The following IARS1 variants were observed in gnomAD, a reference collection of about 807,000 sequenced individuals.
IARS1 encodes isoleucyl-tRNA synthetase 1.
A neutral mutation model predicts 168.2 loss-of-function variants in IARS1; 124 were observed. The observed-to-expected ratio is 0.74, with a 90% CI of 0.64 to 0.86. IARS1 has a LOEUF of 0.86. Ranked by LOEUF, IARS1 falls within the 40% of genes least tolerant of loss-of-function variation. IARS1 has a pLI of 0.00. For synonymous variants in IARS1, 532 were observed against 529.4 expected (o/e 1.00, Z -0.07); for missense variants, 1,452 against 1,515.8 (o/e 0.96, Z 0.70).
At chr9:92,277,117 A>C (rs1432649374) in intron 9 of IARS1, among the ~76,000 whole-genome samples, 3 of 152,230 alleles carry the variant, frequency 2.0e-5, no homozygotes, top group African/African-American at 7.2e-5. Context: ...CATGCAATAA[A>C]AATATACACC....
chr9:92,292,181 C>CTTTTTTTTTTTTTTTTTTT (rs57075703), intron 1 of IARS1, among the ~76,000 whole-genome samples: 1 of 118,054 alleles, frequency 8.5e-6, no homozygotes, highest in African/African-American at 3.2e-5. Flanking sequence ...CCACACTCAG[C>CTTTTTTTTTTTTTTTTTTT]TTTTTTTTTT....
chr9:92,254,460 C>G (rs182298875), intron 20 of IARS1, among the ~76,000 whole-genome samples: 1 of 152,292 alleles, frequency 6.6e-6, no homozygotes, highest in East Asian at 1.9e-4. Flanking sequence ...AGCTAAGAGA[C>G]GAGAAGTTGC....
Position 92,271,015 on chromosome 9 carries a change from G to A in IARS1, c.1175C>T (p.Thr392Ile), listed in dbSNP as rs940457575. ...KEQGRLLVAT[T>I]FTHSYPFCWR... ...GCAAAAAGGGTAGCTGTGAGTGAAGGTGGTGGCAACCAGAAGTCGGCCTTG... is the reference window on the plus strand; with the variant it reads ...GCAAAAAGGGTAGCTGTGAGTGAAGATGGTGGCAACCAGAAGTCGGCCTTG... The change falls in exon 12 of 34, where the codon ACC (threonine) becomes ATC (isoleucine). Residue 392 changes from threonine (T) to isoleucine (I), a missense_variant. Thr to Ile is a moderately conservative substitution (Grantham distance 89). Coordinates refer to ENST00000443024, the MANE Select transcript of IARS1 (RefSeq NM_002161.6). 4.3e-6 allele frequency: 7 copies of A among 1,612,352 alleles called. No homozygotes were observed. The highest frequency in any genetic ancestry group is 5.9e-6 in the Non-Finnish European group (7 of 1,179,090).
chr9:92,274,969 G>C (rs543394349), intron 9 of IARS1, among the ~76,000 whole-genome samples: 1 of 152,278 alleles, frequency 6.6e-6, no homozygotes. Context: ...ATCTTGAAAG[G>C]AACAGGTGGG....
At chr9:92,264,597 A>T (rs192373652) in intron 16 of IARS1, among the ~76,000 whole-genome samples, 1 of 152,316 alleles carries the variant, frequency 6.6e-6, no homozygotes, top group Admixed American at 6.5e-5. Flanking sequence ...CTTTTATGCA[A>T]ATACTCAAAC....
chr9:92,225,650 C>T (rs866996990), intron 31 of IARS1, among the ~76,000 whole-genome samples: 4 of 150,478 alleles, frequency 2.7e-5, no homozygotes, highest in African/African-American at 9.8e-5. Flanking sequence ...GTATAGATGT[C>T]AAGATCACAA....
At chr9:92,275,948 G>A (rs909306410) in intron 9 of IARS1, among the ~76,000 whole-genome samples, 1 of 152,224 alleles carries the variant, frequency 6.6e-6, no homozygotes, top group Non-Finnish European at 1.5e-5. Context: ...ATTCCAGACA[G>A]ACCTCTACTT....
intron 33 of IARS1, among the ~76,000 whole-genome samples, chr9:92,218,055 A>G (rs1839035172): frequency 6.6e-6 from 1 of 152,198 alleles, no homozygotes; most frequent in Non-Finnish European, 1.5e-5. Flanking sequence ...ATCCAGCAGC[A>G]CATTAAAAAG....
At chr9:92,276,099 C>G (rs372236347) in intron 9 of IARS1, among the ~76,000 whole-genome samples, 5 of 152,076 alleles carry the variant, frequency 3.3e-5, no homozygotes, top group Non-Finnish European at 5.9e-5. Flanking sequence ...AAAAATACAA[C>G]ATAAAACAAA....
rs780991555 is a variant in IARS1, at chr9:92,264,985, A to G, written c.1644T>C (p.Phe548=). The change falls in exon 16 of 34, where the codon TTT becomes TTC. Residue 548 remains phenylalanine, a synonymous_variant. Transcript: ENST00000443024. Reference sequence around the variant, plus strand: ...TGAAATCTGCAGGAAAAGCATCCTCAAACTCCCTCTTGTTTTCAAACGGGT... The same window carrying G: ...TGAAATCTGCAGGAAAAGCATCCTCGAACTCCCTCTTGTTTTCAAACGGGT... ...VHYPFENKRE[F]EDAFPADFIA... The G allele has an allele frequency of 5.6e-6, 9 of 1,614,062 alleles. No homozygotes were observed. In the African/African-American group the frequency reaches 9.3e-5, roughly 17 times the overall value.
At chr9:92,243,706 G>A (rs1262694007) in intron 27 of IARS1, among the ~76,000 whole-genome samples, 1 of 152,110 alleles carries the variant, frequency 6.6e-6, no homozygotes, top group East Asian at 1.9e-4. Context: ...CACAACAAGT[G>A]GATCAACGGC....
At chr9:92,272,819 A>G (rs1208119678) in intron 10 of IARS1, among the ~76,000 whole-genome samples, 2 of 149,742 alleles carry the variant, frequency 1.3e-5, no homozygotes, top group Non-Finnish European at 3.0e-5. Context: ...CCATTGCACT[A>G]CAGCCTGGGC....
intron 10 of IARS1, among the ~76,000 whole-genome samples, chr9:92,272,548 TCTCAGAAAATGTTTACCAAGG>T (rs1260259247): frequency 2.0e-5 from 3 of 152,170 alleles, no homozygotes; most frequent in African/African-American, 7.2e-5. Context: ...ACGGAAGGCC[TCTCAGAAAATGTTTACCAAGG>T]CCGGGTGCAG....
At chr9:92,265,159 T>G (rs369784393) in intron 15 of IARS1, 36 bp from the exon 16 acceptor site, 168 of 1,545,898 alleles carry the variant, frequency 1.1e-4, no homozygotes, top group Non-Finnish European at 1.5e-4. Flanking sequence ...CTATTAACTG[T>G]AAGCATAACA....
intron 17 of IARS1, among the ~76,000 whole-genome samples, chr9:92,261,757 C>CTT (rs908361961): frequency 2.1e-5 from 3 of 145,716 alleles, no homozygotes; most frequent in African/African-American, 5.0e-5. Context: ...CAATTTCCCC[C>CTT]TTTTTTTTTT....
rs2133401481 is a variant in IARS1 at position 92,222,611 on chromosome 9, G to A, written c.3615C>T (p.Leu1205=). 6.2e-7 allele frequency: 1 copy of A among 1,614,086 alleles called. No homozygotes were observed. The highest frequency in any genetic ancestry group is 1.6e-4 in the Middle Eastern group (1 of 6,062). Residue 1205 remains leucine, a synonymous_variant, in exon 33 of 34, where the codon CTC becomes CTT. Transcript: ENST00000443024. ...LLENPLGQNG[L]THQGLLYEAA... ...CTTCATACAGAAGACCTTGGTGGGT[G>A]AGTCCATTCTGCCCAAGTGGGTTTT...
At chr9:92,270,144 G>T (rs912427168) in intron 12 of IARS1, among the ~76,000 whole-genome samples, 161 bp from the exon 13 acceptor site, 13 of 152,052 alleles carry the variant, frequency 8.5e-5, no homozygotes, top group Non-Finnish European at 7.4e-5. Flanking sequence ...TTCAAAATTG[G>T]TCATATCTTT....
intron 19 of IARS1, among the ~76,000 whole-genome samples, chr9:92,257,839 G>A (rs1830941632): frequency 6.6e-6 from 1 of 152,152 alleles, no homozygotes; most frequent in South Asian, 2.1e-4. Context: ...GAGATCAGAT[G>A]TGCAGTATCG....
chr9:92,262,955 C>A lies in IARS1; in HGVS notation c.1787+14G>T. The A allele has an allele frequency of 6.2e-7, 1 of 1,605,344 alleles. No individual in the cohort carries two copies. Among genetic ancestry groups the A allele is most frequent in the Non-Finnish European group, 8.5e-7 (1 of 1,172,122 alleles). On this transcript the variant is annotated intron_variant, in intron 17 of 33. Coordinates refer to ENST00000443024, the MANE Select transcript of IARS1 (RefSeq NM_002161.6). ...GACAAAGTTCCACCCGTCACTACAA[C>A]AAAGTTGACCTACCTTGCCAGGACA...
Sources: allele counts gnomAD v4.1 joint callset (sites outside exome capture counted in the v4.1 genomes callset), GRCh38; gene constraint gnomAD v4.1.1; transcripts MANE v1.5; gene names NCBI Gene and HGNC (gene_info 2026-07-23, HGNC 2026-07-21).